Variants in MMRN2 observed in about 807,000 individuals in gnomAD.
The protein encoded by MMRN2 is multimerin-2.
Under a neutral mutation model 68.8 loss-of-function variants are expected in MMRN2, and 53 were observed. The ratio of observed to expected loss-of-function variants is 0.77; its 90% CI spans 0.62 to 0.97. The LOEUF (loss-of-function observed/expected upper bound fraction) is 0.97, where lower values mean the gene tolerates loss of function less well. Among genes scored for constraint, MMRN2 ranks in the 50% least tolerant of loss-of-function variants. The pLI, the probability that MMRN2 is intolerant of heterozygous loss-of-function variation, is 0.00. For synonymous variants in MMRN2, 564 were observed against 551.6 expected (o/e 1.02, Z -0.32); for missense variants, 1,266 against 1,259.5 (o/e 1.01, Z -0.08).
intron 1 of MMRN2, among the ~76,000 whole-genome samples, chr10:86,952,816 G>C (rs930935483): frequency 2.0e-5 from 3 of 152,108 alleles, no homozygotes; most frequent in Non-Finnish European, 4.4e-5. Context: ...ACCAGGGCTG[G>C]GGTTTCTCAA....
intron 1 of MMRN2, among the ~76,000 whole-genome samples, chr10:86,950,502 G>A (rs1844132115): frequency 6.6e-6 from 1 of 152,114 alleles, no homozygotes; most frequent in Non-Finnish European, 1.5e-5. Flanking sequence ...AAACAACAGA[G>A]AAAATCAAGA....
At chr10:86,954,612 G>C (rs80052099) in intron 1 of MMRN2, among the ~76,000 whole-genome samples, 2,361 of 152,294 alleles carry the variant, frequency 0.016, 65 homozygotes, top group African/African-American at 0.054. Context: ...CAGCAGCCTT[G>C]TTTTCTGAGG....
chr10:86,938,850 T>G (rs1195394468), intron 6 of MMRN2, among the ~76,000 whole-genome samples: 1 of 152,242 alleles, frequency 6.6e-6, no homozygotes, highest in Non-Finnish European at 1.5e-5. Flanking sequence ...TGAGAATAGC[T>G]TTCTCATTTG....
At chr10:86,945,291 T>C (rs779874885) in intron 3 of MMRN2, 23 bp from the exon 4 acceptor site, 13 of 1,613,168 alleles carry the variant, frequency 8.1e-6, no homozygotes, top group East Asian at 2.2e-5. Context: ...GCATTAGTTA[T>C]TGACCCCAGT....
chr10:86,946,239 C>T (rs185818274), intron 1 of MMRN2, among the ~76,000 whole-genome samples: 10 of 152,320 alleles, frequency 6.6e-5, no homozygotes, highest in South Asian at 2.1e-4. Flanking sequence ...GATCGTAATG[C>T]CCTCCTTTAA....
intron 1 of MMRN2, among the ~76,000 whole-genome samples, 157 bp downstream of exon 1, chr10:86,957,221 C>A (rs1203830502): frequency 1.3e-5 from 2 of 152,214 alleles, no homozygotes; most frequent in South Asian, 2.1e-4. Context: ...AACACCCAGT[C>A]CAGACTACTT....
In MMRN2 at chr10:86,942,924, C is replaced by T. The variant is rs368819905; in HGVS notation, c.1860G>A (p.Glu620=). 44 of 1,496,674 alleles carry T rather than the reference C, an allele frequency of 2.9e-5. No homozygotes were observed. In the African/African-American group the frequency reaches 6.4e-4, roughly 22 times the overall value. The allele number at this position is 1,496,674 out of a possible 1,614,324, so 92.7% of individuals were successfully genotyped here. ...GTCCCGGCGTCTGCTCAGACATCTC[C>T]TCCAGCACCTCCTCCCCGAAGAGCG... ...LAALFGEEVL[E]EMSEQTPGPL... is the part of the protein sequence containing the mutation. Residue 620 remains glutamate, a synonymous_variant, in exon 6 of 7, where the codon GAG becomes GAA. Transcript: ENST00000372027.
At chr10:86,948,400 A>G (rs532517196) in intron 1 of MMRN2, among the ~76,000 whole-genome samples, 23 of 152,216 alleles carry the variant, frequency 1.5e-4, no homozygotes, top group Non-Finnish European at 2.8e-4. Flanking sequence ...TGAAAAAAAC[A>G]AATGAGGGGG....
At position 86,943,919 on chromosome 10, in the gene MMRN2, G is replaced by A; in HGVS notation, c.865C>T (p.Leu289Phe). The change falls in exon 6 of 7, where the codon CTT becomes TTT. Residue 289 changes from leucine to phenylalanine, a missense_variant. Coordinates refer to ENST00000372027, the MANE Select transcript of MMRN2 (RefSeq NM_024756.3). This position sits in a 1 kb window ranked among gnomAD's most constrained non-coding sequence, Gnocchi z 4.2. Reference protein sequence around the residue: ...SAVARADFQELGAKFEAKVQE... With the variant: ...SAVARADFQEFGAKFEAKVQE... Reference sequence around the variant, plus strand: ...ACCTTGGCCTCAAATTTGGCACCAAGCTCCTGGAAGTCAGCCCTGGCCACG... The same window carrying A: ...ACCTTGGCCTCAAATTTGGCACCAAACTCCTGGAAGTCAGCCCTGGCCACG... 1 of 1,614,112 alleles carries A rather than the reference G, an allele frequency of 6.2e-7. No individual in the cohort carries two copies. Among genetic ancestry groups the A allele is most frequent in the Non-Finnish European group, 8.5e-7 (1 of 1,180,028 alleles).
At chr10:86,953,297 T>C (rs1280781657) in intron 1 of MMRN2, among the ~76,000 whole-genome samples, 2 of 152,162 alleles carry the variant, frequency 1.3e-5, no homozygotes, top group Non-Finnish European at 2.9e-5. Flanking sequence ...ATGAGTATTA[T>C]TAGGGAAGTG....
chr10:86,945,901 C>G, intron 1 of MMRN2: 1 of 1,371,640 alleles, frequency 7.3e-7, no homozygotes, highest in Non-Finnish European at 9.5e-7. Context: ...CCTGCTCCAC[C>G]ACCTTCCCGA....
rs1247251171 is a variant in MMRN2, at chr10:86,937,102, T to G, written c.2491A>C (p.Ser831Arg). ...AGGGCAGCCGTCCCTTCTGAAAAGCTGGCATAGAAGGCCACAGGGGATCCT... is the reference window on the plus strand; with the variant it reads ...AGGGCAGCCGTCCCTTCTGAAAAGCGGGCATAGAAGGCCACAGGGGATCCT... ...EAGSPVAFYA[S>R]FSEGTAALQT... The change falls in exon 7 of 7, where the codon AGC (serine) becomes CGC (arginine). Residue 831 changes from serine (S) to arginine (R), a missense_variant. Ser to Arg is a moderately radical substitution (Grantham distance 110). Transcript: ENST00000372027. 1.2e-6 allele frequency: 2 copies of G among 1,614,196 alleles called. No homozygotes were observed. The highest frequency in any genetic ancestry group is 4.5e-5 in the East Asian group (2 of 44,884).
intron 1 of MMRN2, among the ~76,000 whole-genome samples, chr10:86,955,372 G>T (rs1285155989): frequency 6.6e-6 from 1 of 152,164 alleles, no homozygotes; most frequent in Non-Finnish European, 1.5e-5. Flanking sequence ...GGGGTCCCTG[G>T]CAACCTAAGA....
intron 1 of MMRN2, among the ~76,000 whole-genome samples, chr10:86,947,006 C>G (rs1436479523): frequency 6.6e-6 from 1 of 152,114 alleles, no homozygotes; most frequent in African/African-American, 2.4e-5. Flanking sequence ...AAGGGAGAAG[C>G]CAGACCTCAG....
intron 1 of MMRN2, among the ~76,000 whole-genome samples, chr10:86,956,545 T>C (rs1481162322): frequency 6.6e-6 from 1 of 152,204 alleles, no homozygotes; most frequent in Non-Finnish European, 1.5e-5. Flanking sequence ...TGGCTCCAAG[T>C]GCTGCAGAGA....
chr10:86,953,643 T>C (rs146203401), intron 1 of MMRN2, among the ~76,000 whole-genome samples: 96 of 152,312 alleles, frequency 6.3e-4, no homozygotes, highest in Non-Finnish European at 9.4e-4. Flanking sequence ...CCAAAGATGC[T>C]GCCAAATACC....
At chr10:86,954,896 G>A (rs565418947) in intron 1 of MMRN2, among the ~76,000 whole-genome samples, 28 of 152,268 alleles carry the variant, frequency 1.8e-4, no homozygotes, top group Non-Finnish European at 2.9e-4. Context: ...CAGAGAAGGC[G>A]GCCTGTGCTC....
In MMRN2 at chr10:86,942,851, C is replaced by T. The variant is rs773611318; in HGVS notation, c.1933G>A (p.Ala645Thr). The T allele has an allele frequency of 1.1e-5, 15 of 1,389,262 alleles. No homozygotes were observed. The highest frequency in any genetic ancestry group is 3.0e-5 in the East Asian group (1 of 32,844). The allele number at this position is 1,389,262 out of a possible 1,614,324, so 86.1% of individuals were successfully genotyped here. The change falls in exon 6 of 7, where the codon GCT becomes ACT. Residue 645 changes from alanine to threonine, a missense_variant. Ala to Thr is a moderately conservative substitution (Grantham distance 58, BLOSUM62 0). Coordinates refer to ENST00000372027, the MANE Select transcript of MMRN2 (RefSeq NM_024756.3). ...AGCGCCTGCTCCTGCAGCCCGCTAG[C>T]GGCGTCCTGCAGGGCCACGCGGATC... ...EQIRVALQDA[A>T]SGLQEQALGW... is the part of the protein sequence containing the mutation.
At position 86,935,640 on chromosome 10, in the gene MMRN2, A is replaced by G. The variant is rs950252102; in HGVS notation, c.*1103T>C. On this transcript the variant is annotated 3_prime_UTR_variant, in exon 7 of 7. Transcript: ENST00000372027. ...CAGCTGCCTCCTGGTTAGAGATGCT[A>G]ACAAGAATTACGATGGTCCTAAGAT... is the stretch of plus-strand genomic sequence containing the variant. The G allele has an allele frequency of 6.6e-6, 1 of 152,248 alleles. No homozygotes were observed. The highest frequency in any genetic ancestry group is 1.5e-5 in the Non-Finnish European group (1 of 68,036). The allele number at this position is 152,248 out of a possible 1,614,324, so 9.4% of individuals were successfully genotyped here. A position where few individuals can be genotyped will look rare whatever the true frequency, so the allele number is the denominator to read the frequency against.
Sources: allele counts gnomAD v4.1 joint callset (sites outside exome capture counted in the v4.1 genomes callset), GRCh38; gene constraint gnomAD v4.1.1; non-coding constraint Gnocchi (gnomAD v3.1); transcripts MANE v1.5; gene names NCBI Gene and HGNC (gene_info 2026-07-23, HGNC 2026-07-21).